Variants in ADORA1 observed in about 807,000 individuals in gnomAD.
The protein encoded by ADORA1 is adenosine receptor A1.
ADORA1 carries 6 observed loss-of-function variants against 19.9 expected under a neutral mutation model. The observed-to-expected ratio is 0.30, with a 90% CI of 0.17 to 0.59. The LOEUF (loss-of-function observed/expected upper bound fraction) is 0.59, where lower values mean the gene tolerates loss of function less well. ADORA1 is among the 20% of genes least tolerant of loss of function. The pLI, the probability that ADORA1 is intolerant of heterozygous loss-of-function variation, is 0.87. For synonymous variants in ADORA1, 194 were observed against 188.4 expected (o/e 1.03, Z -0.24); for missense variants, 302 against 439.2 (o/e 0.69, Z 2.79).
intron 3 of ADORA1, chr1:203,150,589 A>G: frequency 1.6e-6 from 2 of 1,278,258 alleles, no homozygotes; most frequent in Non-Finnish European, 2.0e-6. Context: ...CAAGGTGGGG[A>G]GAAAGGCCAG....
intron 3 of ADORA1, among the ~76,000 whole-genome samples, chr1:203,148,842 C>T (rs1238117714): frequency 1.3e-5 from 2 of 152,194 alleles, no homozygotes; most frequent in African/African-American, 2.4e-5. Context: ...CGATTCTTGC[C>T]TGGTGGCGTT....
rs10712199 is a variant in ADORA1, at chr1:203,135,657, C to CA, written c.341+6491dup. On this transcript the variant is annotated intron_variant, in intron 3 of 3. Transcript: ENST00000337894. Reference sequence around the variant, plus strand: ...TGGGCAACAGAGTGAGACTTTGTCTCAAAAAAAAAAAAAAAAGTTGAAATT... The same window carrying CA: ...TGGGCAACAGAGTGAGACTTTGTCTCAAAAAAAAAAAAAAAAAGTTGAAATT... 1.3e-4 allele frequency among the ~76,000 whole-genome samples: 17 copies of CA among 131,882 alleles called. No individual in the cohort carries two copies. In the East Asian group the frequency reaches 2.1e-3, roughly 17 times the overall value. The allele number at this position is 131,882 out of a possible 152,430, so 86.5% of individuals were successfully genotyped here.
At chr1:203,130,164 G>A (rs546527664) in intron 3 of ADORA1, among the ~76,000 whole-genome samples, 39 of 152,310 alleles carry the variant, frequency 2.6e-4, no homozygotes, top group African/African-American at 7.7e-4. Flanking sequence ...TGCCACCCCC[G>A]GCATAGCTTC....
intron 3 of ADORA1, among the ~76,000 whole-genome samples, chr1:203,141,488 C>T (rs1481309450): frequency 6.6e-6 from 1 of 151,646 alleles, no homozygotes; most frequent in Non-Finnish European, 1.5e-5. Context: ...GGCACACCCA[C>T]ACTGCTGGAA....
chr1:203,166,004 G>T lies in ADORA1; in HGVS notation c.*104G>T. On this transcript the variant is annotated 3_prime_UTR_variant, in exon 4 of 4. Transcript: ENST00000337894. ...TCCCTGAGCCTGCCCCAGCTGGGCTGTTGGCTGGGGGCATGGGGGAGGCTC... is the reference window on the plus strand; with the variant it reads ...TCCCTGAGCCTGCCCCAGCTGGGCTTTTGGCTGGGGGCATGGGGGAGGCTC... 7.2e-7 allele frequency: 1 copy of T among 1,393,916 alleles called. No homozygotes were observed. Among genetic ancestry groups the T allele is most frequent in the Non-Finnish European group, 9.4e-7 (1 of 1,060,710 alleles). The allele number at this position is 1,393,916 out of a possible 1,614,324, so 86.3% of individuals were successfully genotyped here.
intron 3 of ADORA1, 45 bp downstream of exon 3, chr1:203,129,227 T>C: frequency 1.3e-6 from 2 of 1,562,986 alleles, no homozygotes; most frequent in Non-Finnish European, 1.7e-6. Context: ...ACATGATGGC[T>C]GGCTTGAGGG....
At chr1:203,154,925 C>T (rs1189968313) in intron 3 of ADORA1, among the ~76,000 whole-genome samples, 2 of 152,098 alleles carry the variant, frequency 1.3e-5, no homozygotes, top group Admixed American at 6.5e-5. Context: ...CTATGCCCAC[C>T]CCCTCTTCCT....
chr1:203,141,364 C>T (rs1273602543), intron 3 of ADORA1, among the ~76,000 whole-genome samples: 1 of 152,160 alleles, frequency 6.6e-6, no homozygotes, highest in Non-Finnish European at 1.5e-5. Flanking sequence ...TCAGAGGCTA[C>T]CAGTTTCCAG....
In ADORA1 at chr1:203,163,506, C is replaced by A. The variant is rs548600968; in HGVS notation, c.342-1755C>A. On this transcript the variant is annotated intron_variant, in intron 3 of 3. Coordinates refer to ENST00000337894, the MANE Select transcript of ADORA1 (RefSeq NM_000674.3). ...CAAGTGCACTGGTCACCTCTCAAGG[C>A]CCCTTGGTGGTGGTGGTTTGGGGCA... Among the ~76,000 whole-genome samples the A allele has an allele frequency of 2.6e-5, 4 of 152,252 alleles. No individual in the cohort carries two copies. In the East Asian group the frequency reaches 7.7e-4, roughly 29 times the overall value.
chr1:203,165,574 T>C lies in ADORA1; in HGVS notation c.655T>C (p.Ser219Pro). 6.2e-7 allele frequency: 1 copy of C among 1,613,968 alleles called. No homozygotes were observed. Among genetic ancestry groups the C allele is most frequent in the Non-Finnish European group, 8.5e-7 (1 of 1,179,886 alleles). ...KQLNKKVSAS[S>P]GDPQKYYGKE... Reference sequence around the variant, plus strand: ...GCTCAACAAGAAGGTGTCGGCCTCCTCCGGCGACCCGCAGAAGTACTATGG... The same window carrying C: ...GCTCAACAAGAAGGTGTCGGCCTCCCCCGGCGACCCGCAGAAGTACTATGG... Residue 219 changes from serine (S) to proline (P), a missense_variant, in exon 4 of 4, where the codon TCC becomes CCC. Ser to Pro is a moderately conservative substitution (Grantham distance 74). Transcript: ENST00000337894. This position sits in a 1 kb window ranked among gnomAD's most constrained non-coding sequence, Gnocchi z 5.9.
intron 3 of ADORA1, among the ~76,000 whole-genome samples, chr1:203,155,387 CA>C (rs1655168797): frequency 1.3e-5 from 2 of 152,182 alleles, no homozygotes; most frequent in Admixed American, 1.3e-4. Flanking sequence ...TTCTCTGAGT[CA>C]ACCTAACTAT....
rs1459213443 is a variant in ADORA1 at position 203,128,389 on chromosome 1, T to C, written c.-101T>C. The C allele has an allele frequency of 1.5e-6, 2 of 1,290,580 alleles. No individual in the cohort carries two copies. Among genetic ancestry groups the C allele is most frequent in the East Asian group, 5.5e-5 (1 of 18,034 alleles). 79.9% of individuals were successfully genotyped at this position (1,290,580 alleles called of 1,614,324 possible). A position where few individuals can be genotyped will look rare whatever the true frequency, so the allele number is the denominator to read the frequency against. ...GCCCGGAGCTCTGTTCCCTGGAACT[T>C]TGGGCACTGCCTCTGGGACCCCTGC... On this transcript the variant is annotated 5_prime_UTR_variant, in exon 2 of 4. Transcript: ENST00000337894. The surrounding 1 kb of genome is among the most constrained non-coding windows in gnomAD (Gnocchi z 5.9).
intron 3 of ADORA1, among the ~76,000 whole-genome samples, chr1:203,141,834 C>T (rs140752565): frequency 0.015 from 2,223 of 152,208 alleles, 27 homozygotes; most frequent in Non-Finnish European, 0.021. Flanking sequence ...CCATCTGCCT[C>T]GGTCTCCCAA....
chr1:203,159,326 G>A (rs920837272), intron 3 of ADORA1, among the ~76,000 whole-genome samples: 11 of 152,204 alleles, frequency 7.2e-5, no homozygotes, highest in South Asian at 6.2e-4. Flanking sequence ...ACTTCCCCTC[G>A]TACTTAGGAT....
rs1244047119 is a variant in ADORA1, at chr1:203,133,116, CT to C, written c.341+3949del. Reference sequence around the variant, plus strand: ...TGTTACCCCCATTGTATAGACAATTCTTTTTTTTTTTTTTTGAGATGGAGTC... The same window carrying C: ...TGTTACCCCCATTGTATAGACAATTCTTTTTTTTTTTTTTGAGATGGAGTC... On this transcript the variant is annotated intron_variant, in intron 3 of 3. Transcript: ENST00000337894. Among the ~76,000 whole-genome samples, 667 of 140,794 alleles carry C rather than the reference CT, an allele frequency of 4.7e-3. 1 individual carries two copies. The highest frequency in any genetic ancestry group is 5.2e-3 in the Non-Finnish European group (332 of 64,306). 92.4% of individuals were successfully genotyped at this position (140,794 alleles called of 152,430 possible).
chr1:203,150,363 C>T (rs17511192), intron 3 of ADORA1, among the ~76,000 whole-genome samples: 48,823 of 152,222 alleles, frequency 0.32, 10,043 homozygotes, highest in Non-Finnish European at 0.46. Context: ...TCTGCCCTGG[C>T]CTGGGTGGCT....
chr1:203,153,136 G>C (rs1016248872), intron 3 of ADORA1, among the ~76,000 whole-genome samples: 2 of 152,064 alleles, frequency 1.3e-5, no homozygotes, highest in African/African-American at 4.8e-5. Context: ...CAGGTCTGGG[G>C]GGAGCTTGTG....
rs1379141383 is a variant in ADORA1 at position 203,128,751 on chromosome 1, G to A, written c.-57-34G>A. On this transcript the variant is annotated intron_variant, in intron 2 of 3. Transcript: ENST00000337894. The surrounding 1 kb of genome is among the most constrained non-coding windows in gnomAD (Gnocchi z 5.9). The stretch of plus-strand genomic sequence containing the variant: ...CTGAGCTCCCTGCCCCTCCCAGACG[G>A]GTCTCCCCATCCCAGGCTTCCCTGA... 1 of 1,513,474 alleles carries A rather than the reference G, an allele frequency of 6.6e-7. No homozygotes were observed. The highest frequency in any genetic ancestry group is 8.8e-7 in the Non-Finnish European group (1 of 1,138,352). The allele number at this position is 1,513,474 out of a possible 1,614,324, so 93.8% of individuals were successfully genotyped here.
chr1:203,150,609 G>C (rs1184487645), intron 3 of ADORA1: 1 of 1,288,704 alleles, frequency 7.8e-7, no homozygotes, highest in Non-Finnish European at 1.0e-6. Context: ...GGATCGGGGA[G>C]AATATGACTG....
Sources: gnomAD v4.1 joint callset for allele counts (sites outside exome capture counted in the v4.1 genomes callset) on GRCh38, gnomAD v4.1.1 for gene constraint, Gnocchi (gnomAD v3.1) non-coding constraint, MANE v1.5 for transcripts, NCBI Gene and HGNC (gene_info 2026-07-23, HGNC 2026-07-21) for gene names.